PCTP: variants seen among roughly 807,000 people sequenced by gnomAD.
PCTP encodes the protein phosphatidylcholine transfer protein.
In PCTP, 27 loss-of-function variants were observed where a neutral mutation model predicts 31.0. The ratio of observed to expected loss-of-function variants is 0.87; its 90% confidence interval spans 0.64 to 1.20. The LOEUF is 1.20. PCTP is among the 50% of genes most tolerant of loss of function. The pLI is 0.00. For synonymous variants in PCTP, 108 were observed against 101.2 expected, an observed-to-expected ratio of 1.07 and a Z score of -0.40; for missense variants, 287 against 268.2, an observed-to-expected ratio of 1.07 and a Z score of -0.49.
Position 55,773,905 on chromosome 17 carries a change from A to G in PCTP, c.511+10A>G, listed in dbSNP as rs770246423. On this transcript the variant is annotated intron_variant, in intron 4 of 5. Coordinates refer to ENST00000268896, the MANE Select transcript of PCTP (RefSeq NM_021213.4). ...AAGAAGGGGAGCAAAGGTAAAACCCATGGTGCCTGTCAGTGCACCCAGCCA... is the reference window on the plus strand; with the variant it reads ...AAGAAGGGGAGCAAAGGTAAAACCCGTGGTGCCTGTCAGTGCACCCAGCCA... The G allele has an allele frequency of 8.8e-6, 14 of 1,590,712 alleles. No homozygotes were observed. Among genetic ancestry groups the G allele is most frequent in the Non-Finnish European group, 1.2e-5 (14 of 1,166,648 alleles).
intron 3 of PCTP, among the ~76,000 whole-genome samples, chr17:55,772,726 T>C (rs1911081902): frequency 6.6e-6 from 1 of 152,230 alleles, no homozygotes; most frequent in Non-Finnish European, 1.5e-5. Context: ...TTCTGTTTTA[T>C]GAAAGTGTAA....
intron 3 of PCTP, among the ~76,000 whole-genome samples, chr17:55,814,918 T>C (rs1287463818): frequency 1.3e-5 from 2 of 152,170 alleles, no homozygotes; most frequent in Non-Finnish European, 2.9e-5. Flanking sequence ...CTACCATCTT[T>C]TTTACTGAAC....
At chr17:55,842,375 A>G (rs1433163487) in intron 5 of PCTP, among the ~76,000 whole-genome samples, 1 of 152,162 alleles carries the variant, frequency 6.6e-6, no homozygotes, top group East Asian at 1.9e-4. Context: ...TGTTTTTTCC[A>G]TTGCCTTATT....
At chr17:55,767,795 A>C (rs1910762785) in intron 2 of PCTP, among the ~76,000 whole-genome samples, 1 of 81,362 alleles carries the variant, frequency 1.2e-5, no homozygotes, top group Non-Finnish European at 2.8e-5. Context: ...TGATCATTAA[A>C]AAGTAGATCT....
rs561013374 is a variant in PCTP, at chr17:55,796,091, C to A, written c.317+8437C>A. ...GGAATTTTTGGGAGAAGTAATAGTACGAATTAAGGCAGCATGAAAGACCTT... is the reference window on the plus strand; with the variant it reads ...GGAATTTTTGGGAGAAGTAATAGTAAGAATTAAGGCAGCATGAAAGACCTT... On this transcript the variant is annotated intron_variant, in intron 3 of 3. Coordinates refer to the PCTP transcript ENST00000572536. Among the ~76,000 whole-genome samples, 27 of 151,902 alleles carry A rather than the reference C, an allele frequency of 1.8e-4. No homozygotes were observed. In the South Asian group the frequency reaches 5.6e-3, roughly 32 times the overall value.
chr17:55,792,858 A>G (rs192652403), intron 3 of PCTP, among the ~76,000 whole-genome samples: 1 of 152,268 alleles, frequency 6.6e-6, no homozygotes, highest in Admixed American at 6.5e-5. Context: ...TTTTTAAGCA[A>G]TAGAGATGGA....
intron 2 of PCTP, among the ~76,000 whole-genome samples, chr17:55,783,811 C>T (rs906082316): frequency 1.3e-5 from 2 of 152,172 alleles, no homozygotes; most frequent in Non-Finnish European, 2.9e-5. Flanking sequence ...CTGTTGTAAA[C>T]AGCATTCGTT....
At chr17:55,834,798 G>T (rs760116793) in intron 5 of PCTP, among the ~76,000 whole-genome samples, 3 of 152,138 alleles carry the variant, frequency 2.0e-5, no homozygotes, top group Admixed American at 6.5e-5. Flanking sequence ...GGATGCAAAA[G>T]AATAAATTTC....
downstream of PCTP, among the ~76,000 whole-genome samples, chr17:55,843,770 G>C (rs1440721741): frequency 6.6e-6 from 1 of 152,056 alleles, no homozygotes; most frequent in African/African-American, 2.4e-5. Context: ...TCTTACCCCA[G>C]CTTCCAGAAT....
At chr17:55,812,296 C>G (rs1365865411) in intron 3 of PCTP, among the ~76,000 whole-genome samples, 1 of 152,170 alleles carries the variant, frequency 6.6e-6, no homozygotes, top group Non-Finnish European at 1.5e-5. Flanking sequence ...ATGGGAATAC[C>G]TTACAGGCAT....
At chr17:55,768,844 T>A (rs1910830304) in intron 2 of PCTP, 1 of 152,162 alleles carries the variant, frequency 6.6e-6, no homozygotes, top group South Asian at 2.1e-4. Context: ...GAGTAGCCTC[T>A]GCCAACCCAG....
At chr17:55,753,877 T>A (rs2144901357) in intron 1 of PCTP, among the ~76,000 whole-genome samples, 1 of 152,218 alleles carries the variant, frequency 6.6e-6, no homozygotes, top group South Asian at 2.1e-4. Context: ...GCCCCTACTC[T>A]TTCCCCAAGC....
At chr17:55,790,964 T>A (rs1218803037) in intron 3 of PCTP, among the ~76,000 whole-genome samples, 1 of 151,552 alleles carries the variant, frequency 6.6e-6, no homozygotes, top group Non-Finnish European at 1.5e-5. Flanking sequence ...GAGATATAGA[T>A]CAACGGAACA....
intron 5 of PCTP, among the ~76,000 whole-genome samples, chr17:55,838,468 A>C (rs1297853492): frequency 6.6e-6 from 1 of 152,178 alleles, no homozygotes; most frequent in Admixed American, 6.5e-5. Context: ...TTCTCCTACT[A>C]TAACATCTCT....
chr17:55,836,519 A>G (rs1028639328), intron 5 of PCTP, among the ~76,000 whole-genome samples: 1 of 152,160 alleles, frequency 6.6e-6, no homozygotes, highest in African/African-American at 2.4e-5. Context: ...ATGGCCACCT[A>G]ACGCATATTC....
At chr17:55,806,392 G>T (rs527438720) in intron 3 of PCTP, among the ~76,000 whole-genome samples, 1 of 152,148 alleles carries the variant, frequency 6.6e-6, no homozygotes, top group Non-Finnish European at 1.5e-5. Flanking sequence ...TGTATATAAT[G>T]TGGTAGAAGT....
In PCTP at chr17:55,776,854, G is replaced by T. The variant is rs1195826069; in HGVS notation, c.*754G>T. ...TTTTCCATATGTCACTGGGGGAAAG[G>T]CTGCCTGTACCTCTCAAGCTTTGCA... On this transcript the variant is annotated 3_prime_UTR_variant, in exon 6 of 6. Coordinates refer to ENST00000268896, the MANE Select transcript of PCTP (RefSeq NM_021213.4). 1 of 1,002,974 alleles carries T rather than the reference G, an allele frequency of 1.0e-6. No individual in the cohort carries two copies. The highest frequency in any genetic ancestry group is 5.0e-4 in the Middle Eastern group (1 of 2,002). 62.1% of individuals were successfully genotyped at this position (1,002,974 alleles called of 1,614,324 possible). A position where few individuals can be genotyped will look rare whatever the true frequency, so the allele number is the denominator to read the frequency against.
At chr17:55,756,880 G>A (rs776919069) in intron 1 of PCTP, among the ~76,000 whole-genome samples, 9 of 152,150 alleles carry the variant, frequency 5.9e-5, no homozygotes, top group Non-Finnish European at 8.8e-5. Context: ...GAGGAGCCAG[G>A]AGGCCCACAG....
At chr17:55,832,689 T>C (rs1420718035) in intron 5 of PCTP, among the ~76,000 whole-genome samples, 1 of 152,250 alleles carries the variant, frequency 6.6e-6, no homozygotes, top group East Asian at 1.9e-4. Context: ...CACATGTGTC[T>C]ATCAAATTGT....
Sources: gnomAD v4.1 joint callset for allele counts (sites outside exome capture counted in the v4.1 genomes callset) on GRCh38, gnomAD v4.1.1 for gene constraint, MANE v1.5 for transcripts, NCBI Gene and HGNC (gene_info 2026-07-23, HGNC 2026-07-21) for gene names.